Variants in COL6A2 observed in about 807,000 individuals in gnomAD.
COL6A2 encodes collagen alpha-2(VI) chain.
A neutral mutation model predicts 124.9 loss-of-function variants in COL6A2; 90 were observed. That is an observed-to-expected ratio of 0.72 (90% CI 0.61 to 0.86). The LOEUF (loss-of-function observed/expected upper bound fraction) is 0.86, where lower values mean the gene tolerates loss of function less well. Ranked by LOEUF, COL6A2 falls within the 40% of genes least tolerant of loss-of-function variation. The pLI is 0.00. For synonymous variants in COL6A2, 793 were observed against 618.2 expected, an observed-to-expected ratio of 1.28 and a Z score of -4.19; for missense variants, 1,607 against 1,502.5, an observed-to-expected ratio of 1.07 and a Z score of -1.15.
intron 4 of COL6A2, among the ~76,000 whole-genome samples, chr21:46,113,403 G>T (rs1365907799): frequency 6.6e-6 from 1 of 151,838 alleles, no homozygotes. Flanking sequence ...TAGAGACAGG[G>T]TCTTTCTCTG....
chr21:46,119,145 G>C (rs1337406442), intron 14 of COL6A2, 26 bp downstream of exon 14: 4 of 1,574,388 alleles, frequency 2.5e-6, no homozygotes, highest in South Asian at 1.1e-5. Flanking sequence ...CCCTGCCTCA[G>C]GGCCCCGCTC....
chr21:46,111,403 G>T, intron 1 of COL6A2, 47 bp from the exon 2 acceptor site: 1 of 1,126,942 alleles, frequency 8.9e-7, no homozygotes, highest in Non-Finnish European at 1.3e-6. Flanking sequence ...GAGGGTGCCA[G>T]GGGAGAGGCA....
At position 46,122,630 on chromosome 21, in the gene COL6A2, C is replaced by T. The variant is rs898850831; in HGVS notation, c.1608+99C>T. Reference sequence around the variant, plus strand: ...CCCACCGTCACTGACAGGACCACCCCTGTCTTGAGATGGTCCTGGCTCCCC... The same window carrying T: ...CCCACCGTCACTGACAGGACCACCCTTGTCTTGAGATGGTCCTGGCTCCCC... On this transcript the variant is annotated intron_variant, in intron 20 of 27. Coordinates refer to ENST00000300527, the MANE Select transcript of COL6A2 (RefSeq NM_001849.4). The T allele has an allele frequency of 5.1e-6, 7 of 1,384,402 alleles. No individual in the cohort carries two copies. In the African/African-American group the frequency reaches 9.9e-5, roughly 20 times the overall value. The allele number at this position is 1,384,402 out of a possible 1,614,324, so 85.8% of individuals were successfully genotyped here. A position where few individuals can be genotyped will look rare whatever the true frequency, so the allele number is the denominator to read the frequency against.
At chr21:46,119,202 C>T (rs748454283) in intron 14 of COL6A2, 83 bp downstream of exon 14, 2 of 1,088,848 alleles carry the variant, frequency 1.8e-6, no homozygotes, top group Non-Finnish European at 2.8e-6. Flanking sequence ...GGAAGGGCAC[C>T]TGGGCTGTAG....
Position 46,116,829 on chromosome 21 carries a change from G to T in COL6A2, c.999+15G>T. ...ATGGACAGAAGGTAGAGGGAGCCTC[G>T]GGCTCACAGCTGGACTGGTCTCACA... On this transcript the variant is annotated intron_variant, in intron 10 of 27. Coordinates refer to ENST00000300527, the MANE Select transcript of COL6A2 (RefSeq NM_001849.4). This position sits in a 1 kb window ranked among gnomAD's most constrained non-coding sequence, Gnocchi z 4.6. The T allele has an allele frequency of 1.2e-6, 2 of 1,612,582 alleles. No homozygotes were observed. Among genetic ancestry groups the T allele is most frequent in the Non-Finnish European group, 1.7e-6 (2 of 1,179,902 alleles).
In COL6A2 at chr21:46,132,519, C is replaced by A. The variant is rs773406815; in HGVS notation, c.3027C>A (p.Gly1009=). ...EKDYDSLAQP[G]FFDRFIRWIC ...ACTATGACAGCCTGGCGCAACCCGG[C>A]TTCTTCGACCGCTTCATCCGCTGGA... Residue 1009 remains glycine (G), a synonymous_variant, in exon 28 of 28, where the codon GGC becomes GGA. Transcript: ENST00000300527. The A allele has an allele frequency of 1.2e-6, 2 of 1,606,120 alleles. No individual in the cohort carries two copies. The highest frequency in any genetic ancestry group is 4.5e-5 in the East Asian group (2 of 44,852).
chr21:46,118,196 G>A (rs1601230188), intron 12 of COL6A2, among the ~76,000 whole-genome samples: 1 of 152,202 alleles, frequency 6.6e-6, no homozygotes, highest in East Asian at 1.9e-4. Context: ...GCCCCAGGGA[G>A]CCCCACCCAC....
In COL6A2 at chr21:46,132,329, TCCTCACGGACGG is replaced by T; in HGVS notation, c.2839_2850del (p.Leu947_Gly950del). ...AGGCACGCAGAGCTGTCCTTCGTGT[TCCTCACGGACGG>T]CGTCACGGGCAACGACAGTCTGCAC... On this transcript the variant is annotated inframe_deletion, in exon 28 of 28. Transcript: ENST00000300527. The T allele has an allele frequency of 1.2e-6, 2 of 1,607,754 alleles. No individual in the cohort carries two copies. Among genetic ancestry groups the T allele is most frequent in the South Asian group, 2.2e-5 (2 of 91,068 alleles).
chr21:46,119,008 G>A lies in COL6A2; in HGVS notation c.1180-22G>A, dbSNP rs376094728. 3.8e-6 allele frequency: 6 copies of A among 1,566,722 alleles called. No homozygotes were observed. The African/African-American group carries it at 4.0e-5, about 11-fold the overall frequency. On this transcript the variant is annotated intron_variant, in intron 13 of 27. Transcript: ENST00000300527. ...TCAGGGCCCCTGCCTCTGGGTGACT[G>A]TGCTGTCCTCTCCTTCTTCAGGGGT...
intron 26 of COL6A2, 41 bp from the exon 27 acceptor site, chr21:46,126,462 G>A (rs1349946276): frequency 3.7e-6 from 6 of 1,609,476 alleles, no homozygotes; most frequent in East Asian, 2.2e-5. Context: ...GTTCGCTAGG[G>A]ACTGACCCTG....
chr21:46,116,355 C>A lies in COL6A2; in HGVS notation c.901-22C>A. ...TCTCTGCAGAGCTCCTCACTAATGC[C>A]CCTCTCTCCTCCTGCCCCCAGGGCG... On this transcript the variant is annotated intron_variant, in intron 7 of 27. Transcript: ENST00000300527. This position sits in a 1 kb window ranked among gnomAD's most constrained non-coding sequence, Gnocchi z 4.6. 2 of 1,612,720 alleles carry A rather than the reference C, an allele frequency of 1.2e-6. No individual in the cohort carries two copies. The highest frequency in any genetic ancestry group is 1.7e-6 in the Non-Finnish European group (2 of 1,179,828).
In COL6A2 at chr21:46,125,625, G is replaced by C; in HGVS notation, c.1969+8G>C. 6.2e-7 allele frequency: 1 copy of C among 1,612,178 alleles called. No homozygotes were observed. The highest frequency in any genetic ancestry group is 8.5e-7 in the Non-Finnish European group (1 of 1,179,724). ...ACCCCAAGTCCGAGACAGGTCAGCG[G>C]GGCAGGGGCGGGTGCAGCATTGCGG... On this transcript the variant is annotated splice_region_variant and intron_variant, in intron 25 of 27. Transcript: ENST00000300527.
chr21:46,129,843 C>T (rs1737749765), intron 27 of COL6A2: 1 of 1,077,324 alleles, frequency 9.3e-7, no homozygotes, highest in Non-Finnish European at 1.1e-6. Context: ...AGGTCACCCT[C>T]ACAGGCTCCA....
chr21:46,108,846 T>C (rs1284141913), intron 1 of COL6A2, among the ~76,000 whole-genome samples: 1 of 152,226 alleles, frequency 6.6e-6, no homozygotes, highest in Non-Finnish European at 1.5e-5. Flanking sequence ...GAAACCTCTA[T>C]GGCCAGTGGC....
In COL6A2 at chr21:46,120,999, C is replaced by T. The variant is rs145275621; in HGVS notation, c.1396-62C>T. 911 of 1,497,148 alleles carry T rather than the reference C, an allele frequency of 6.1e-4. 3 individuals are homozygous for T. The African/African-American group carries it at 8.0e-3, about 13-fold the overall frequency. 92.7% of individuals were successfully genotyped at this position (1,497,148 alleles called of 1,614,324 possible). A position where few individuals can be genotyped will look rare whatever the true frequency, so the allele number is the denominator to read the frequency against. On this transcript the variant is annotated intron_variant, in intron 16 of 27. Coordinates refer to ENST00000300527, the MANE Select transcript of COL6A2 (RefSeq NM_001849.4). The stretch of plus-strand genomic sequence containing the variant: ...CCCTGCAGTGTCCACAGGATTGATA[C>T]TGGGGACTCCAGGGTGCTGCTGTCA...
At chr21:46,109,583 C>G (rs2078373050) in intron 1 of COL6A2, among the ~76,000 whole-genome samples, 1 of 152,142 alleles carries the variant, frequency 6.6e-6, no homozygotes, top group African/African-American at 2.4e-5. Context: ...CGGTGCCCAG[C>G]CACCCTCAGC....
At chr21:46,118,542 C>T in intron 12 of COL6A2, 72 bp from the exon 13 acceptor site, 3 of 1,451,472 alleles carry the variant, frequency 2.1e-6, no homozygotes, top group Non-Finnish European at 2.9e-6. Context: ...TGGGTCCTGC[C>T]CCCGCAGCGG....
In COL6A2 at chr21:46,117,838, C is replaced by T. The variant is rs1255990843; in HGVS notation, c.1054-36C>T. 4 of 1,592,978 alleles carry T rather than the reference C, an allele frequency of 2.5e-6. No homozygotes were observed. The African/African-American group carries it at 4.0e-5, about 16-fold the overall frequency. ...TGGCTCATGGGGAGAACCCCACCCG[C>T]CGTGTGCCGAGCTCCACCTCTCACT... On this transcript the variant is annotated intron_variant, in intron 11 of 27. Coordinates refer to ENST00000300527, the MANE Select transcript of COL6A2 (RefSeq NM_001849.4).
In COL6A2 at chr21:46,124,934, G is replaced by A. The variant is rs551268270; in HGVS notation, c.1770+14G>A. On this transcript the variant is annotated intron_variant, in intron 23 of 27. Coordinates refer to ENST00000300527, the MANE Select transcript of COL6A2 (RefSeq NM_001849.4). The stretch of plus-strand genomic sequence containing the variant: ...CCCGGTCTCACGGTAGGTGTCACAT[G>A]GGGCAGAACCAGTGTCCTTCTCCTG... The A allele has an allele frequency of 8.7e-6, 14 of 1,612,860 alleles. No individual in the cohort carries two copies. In the South Asian group the frequency reaches 1.4e-4, roughly 16 times the overall value.
Sources: allele counts gnomAD v4.1 joint callset (sites outside exome capture counted in the v4.1 genomes callset), GRCh38; gene constraint gnomAD v4.1.1; non-coding constraint Gnocchi (gnomAD v3.1); transcripts MANE v1.5; gene names NCBI Gene and HGNC (gene_info 2026-07-23, HGNC 2026-07-21).